The following SYT1 variants were observed in gnomAD, a reference collection of about 807,000 sequenced individuals.
SYT1 encodes the protein synaptotagmin 1.
SYT1 carries 8 observed loss-of-function variants against 44.8 expected under a neutral mutation model. The ratio of observed to expected loss-of-function variants is 0.18; its 90% confidence interval spans 0.10 to 0.32. SYT1 has a LOEUF of 0.32. SYT1 is among the 10% of genes least tolerant of loss of function. SYT1 has a pLI of 1.00. For synonymous variants in SYT1, 154 were observed against 188.8 expected, an observed-to-expected ratio of 0.82 and a Z score of 1.51; for missense variants, 286 against 509.3, an observed-to-expected ratio of 0.56 and a Z score of 4.22.
intron 4 of SYT1, among the ~76,000 whole-genome samples, chr12:79,236,935 T>TA (rs1288092118): frequency 6.6e-6 from 1 of 152,152 alleles, no homozygotes; most frequent in African/African-American, 2.4e-5. Context: ...CTTTATTTAA[T>TA]AGTTAAAGAT....
At chr12:79,417,386 C>T (rs550250002) in intron 9 of SYT1, among the ~76,000 whole-genome samples, 2 of 152,074 alleles carry the variant, frequency 1.3e-5, no homozygotes, top group African/African-American at 2.4e-5. Flanking sequence ...AAATCTCTCT[C>T]TTATCTCCAC....
At chr12:78,919,409 A>G (rs1451909823) in intron 1 of SYT1, among the ~76,000 whole-genome samples, 1 of 152,104 alleles carries the variant, frequency 6.6e-6, no homozygotes, top group Non-Finnish European at 1.5e-5. Flanking sequence ...CAGGCAGACC[A>G]AGAGAATAGT....
In SYT1 at chr12:79,175,135, C is replaced by G. The variant is rs1389581818; in HGVS notation, c.-17-42368C>G. On this transcript the variant is annotated intron_variant, in intron 3 of 10. Coordinates refer to ENST00000261205, the MANE Select transcript of SYT1 (RefSeq NM_005639.3). ...TCTGGGAAACATGATTTAGCCTGTC[C>G]TCTATCAAAATTAATGCAATAAGGA... is the stretch of plus-strand genomic sequence containing the variant. Among the ~76,000 whole-genome samples, 4 of 151,720 alleles carry G rather than the reference C, an allele frequency of 2.6e-5. No homozygotes were observed. The East Asian group carries it at 5.8e-4, about 22-fold the overall frequency.
intron 4 of SYT1, among the ~76,000 whole-genome samples, chr12:79,246,804 T>G (rs763573524): frequency 2.0e-5 from 3 of 152,250 alleles, no homozygotes; most frequent in Admixed American, 6.5e-5. Context: ...GAGGCAATTA[T>G]CGTTAATTCT....
intron 1 of SYT1, among the ~76,000 whole-genome samples, chr12:78,952,241 C>T (rs867763734): frequency 1.3e-5 from 2 of 152,188 alleles, no homozygotes; most frequent in Middle Eastern, 6.8e-3. Flanking sequence ...GTAAGCCTGT[C>T]TGCTTTTTCA....
intron 2 of SYT1, among the ~76,000 whole-genome samples, chr12:79,018,439 A>G (rs1189399129): frequency 2.0e-5 from 3 of 152,028 alleles, no homozygotes; most frequent in African/African-American, 4.8e-5. Context: ...ACATGTATAC[A>G]TATGTAACAA....
In SYT1 at chr12:79,312,380, G is replaced by A. The variant is rs548849059; in HGVS notation, c.810+12829G>A. The stretch of plus-strand genomic sequence containing the variant: ...TATTTCAGTGAAAAGTACATTAGCA[G>A]TATGAACTTCTGATCCAGTTGGAAG... On this transcript the variant is annotated intron_variant, in intron 8 of 10. Coordinates refer to ENST00000261205, the MANE Select transcript of SYT1 (RefSeq NM_005639.3). Among the ~76,000 whole-genome samples, 11 of 152,314 alleles carry A rather than the reference G, an allele frequency of 7.2e-5. No homozygotes were observed. The South Asian group carries it at 2.3e-3, about 32-fold the overall frequency.
At chr12:79,096,174 C>T (rs543760908) in intron 3 of SYT1, among the ~76,000 whole-genome samples, 52 of 152,032 alleles carry the variant, frequency 3.4e-4, no homozygotes, top group African/African-American at 1.2e-3. Flanking sequence ...TCAGACCTTT[C>T]TTTAATTCCC....
chr12:79,322,870 T>C, intron 8 of SYT1, among the ~76,000 whole-genome samples: 1 of 152,144 alleles, frequency 6.6e-6, no homozygotes, highest in Non-Finnish European at 1.5e-5. Context: ...GTAAACCCAG[T>C]AAGACCCTCC....
At chr12:79,068,908 T>C (rs1876070217) in intron 3 of SYT1, among the ~76,000 whole-genome samples, 1 of 152,150 alleles carries the variant, frequency 6.6e-6, no homozygotes, top group Non-Finnish European at 1.5e-5. Flanking sequence ...TTTTATGATC[T>C]AGCAAATCAA....
At chr12:78,987,895 A>T (rs1432865554) in intron 2 of SYT1, among the ~76,000 whole-genome samples, 1 of 152,120 alleles carries the variant, frequency 6.6e-6, no homozygotes, top group East Asian at 1.9e-4. Context: ...AATACTATAG[A>T]CCAGTATCTC....
intron 8 of SYT1, among the ~76,000 whole-genome samples, chr12:79,340,385 C>T (rs1882310115): frequency 6.6e-6 from 1 of 152,160 alleles, no homozygotes; most frequent in East Asian, 1.9e-4. Flanking sequence ...AGGTCCTTCA[C>T]ATCCCTTGTA....
intron 2 of SYT1, among the ~76,000 whole-genome samples, chr12:79,024,768 C>T (rs1245472601): frequency 6.6e-6 from 1 of 151,702 alleles, no homozygotes; most frequent in African/African-American, 2.4e-5. Context: ...ATCTGACATA[C>T]TATATTTTTT....
intron 9 of SYT1, among the ~76,000 whole-genome samples, chr12:79,378,992 C>G (rs966999715): frequency 1.3e-5 from 2 of 152,090 alleles, no homozygotes; most frequent in Non-Finnish European, 2.9e-5. Flanking sequence ...GACTTTGGGT[C>G]AAAGTGTTTC....
chr12:78,949,192 C>T (rs1248998498), intron 1 of SYT1, among the ~76,000 whole-genome samples: 1 of 150,980 alleles, frequency 6.6e-6, no homozygotes, highest in Non-Finnish European at 1.5e-5. Context: ...GAACCATAGG[C>T]AAAAAATACT....
At chr12:78,961,325 T>C (rs994642342) in intron 1 of SYT1, among the ~76,000 whole-genome samples, 2 of 152,002 alleles carry the variant, frequency 1.3e-5, no homozygotes, top group Non-Finnish European at 2.9e-5. Context: ...CCCAAGCTGG[T>C]CTTGAACTCC....
intron 3 of SYT1, among the ~76,000 whole-genome samples, chr12:79,091,626 G>GA (rs774912046): frequency 7.9e-5 from 12 of 151,820 alleles, no homozygotes; most frequent in African/African-American, 2.9e-4. Context: ...TTCCAAGTCA[G>GA]AAAAAAATTG....
At chr12:79,429,028 G>T (rs1869613944) in intron 9 of SYT1, among the ~76,000 whole-genome samples, 1 of 152,038 alleles carries the variant, frequency 6.6e-6, no homozygotes, top group Non-Finnish European at 1.5e-5. Context: ...AACTGATAGA[G>T]CAAGAACTCA....
intron 1 of SYT1, chr12:78,976,783 A>C (rs1317708251): frequency 6.6e-6 from 1 of 152,172 alleles, no homozygotes; most frequent in East Asian, 1.9e-4. Context: ...TTTATAAACT[A>C]GTGGTATACA....
Sources: allele counts gnomAD v4.1 joint callset (sites outside exome capture counted in the v4.1 genomes callset), GRCh38; gene constraint gnomAD v4.1.1; transcripts MANE v1.5; gene names NCBI Gene and HGNC (gene_info 2026-07-23, HGNC 2026-07-21).